The following SPAG16 variants were observed in gnomAD, a reference collection of about 807,000 sequenced individuals.
SPAG16 encodes sperm-associated antigen 16 protein.
A neutral mutation model predicts 80.4 loss-of-function variants in SPAG16; 86 were observed. The ratio of observed to expected loss-of-function variants is 1.07; its 90% CI spans 0.90 to 1.28. The LOEUF is 1.28. SPAG16 is among the 50% of genes most tolerant of loss of function. The pLI, the probability that SPAG16 is intolerant of heterozygous loss-of-function variation, is 0.00. For synonymous variants in SPAG16, 294 were observed against 265.9 expected, an observed-to-expected ratio of 1.11 and a Z score of -1.03; for missense variants, 870 against 765.3, an observed-to-expected ratio of 1.14 and a Z score of -1.61.
chr2:214,315,152 TA>T (rs1695588725), intron 15 of SPAG16, among the ~76,000 whole-genome samples: 1 of 152,016 alleles, frequency 6.6e-6, no homozygotes, highest in South Asian at 2.1e-4. Context: ...CAGGGAGCAT[TA>T]GGGGTGGAGC....
intron 10 of SPAG16, among the ~76,000 whole-genome samples, chr2:213,817,248 A>G (rs887071785): frequency 1.2e-4 from 17 of 140,090 alleles, no homozygotes; most frequent in African/African-American, 3.1e-4. Flanking sequence ...ATATATACTT[A>G]TATATATGAT....
chr2:213,400,632 G>A (rs1008797786), intron 9 of SPAG16, among the ~76,000 whole-genome samples: 2 of 152,106 alleles, frequency 1.3e-5, no homozygotes, highest in Admixed American at 1.3e-4. Context: ...TGGGCATATA[G>A]TTAGGTACCT....
At chr2:214,004,769 G>A (rs2046953496) in intron 12 of SPAG16, among the ~76,000 whole-genome samples, 1 of 152,032 alleles carries the variant, frequency 6.6e-6, no homozygotes, top group Non-Finnish European at 1.5e-5. Flanking sequence ...TCATAGGAGG[G>A]TGGGAGAATT....
At chr2:214,168,555 T>A (rs182937060) in intron 15 of SPAG16, among the ~76,000 whole-genome samples, 1 of 152,116 alleles carries the variant, frequency 6.6e-6, no homozygotes, top group Admixed American at 6.6e-5. Context: ...AAAGCCATGT[T>A]AAGTATACAC....
intron 15 of SPAG16, among the ~76,000 whole-genome samples, chr2:214,336,951 T>TAG (rs1418468551): frequency 1.9e-5 from 1 of 53,704 alleles, no homozygotes; most frequent in Non-Finnish European, 7.7e-5. Flanking sequence ...ATGAGGCTTC[T>TAG]AGACTACCTC....
intron 7 of SPAG16, among the ~76,000 whole-genome samples, chr2:213,355,878 C>T (rs1355712068): frequency 6.6e-6 from 1 of 152,130 alleles, no homozygotes; most frequent in African/African-American, 2.4e-5. Flanking sequence ...CCTGATTGCC[C>T]TGGCCAGAAC....
At chr2:214,024,276 A>C (rs2048028392) in intron 13 of SPAG16, among the ~76,000 whole-genome samples, 1 of 151,630 alleles carries the variant, frequency 6.6e-6, no homozygotes, top group Non-Finnish European at 1.5e-5. Flanking sequence ...ATCATCTCAA[A>C]AACTTTTCTC....
chr2:214,292,114 G>GT (rs1693846373), intron 15 of SPAG16, among the ~76,000 whole-genome samples: 1 of 152,084 alleles, frequency 6.6e-6, no homozygotes, highest in Non-Finnish European at 1.5e-5. Flanking sequence ...CTGAGCCCCA[G>GT]TGTTAGTCTG....
chr2:214,315,894 T>C (rs779810686), intron 15 of SPAG16, among the ~76,000 whole-genome samples: 96 of 152,160 alleles, frequency 6.3e-4, no homozygotes, highest in Non-Finnish European at 1.1e-3. Flanking sequence ...GGTGTTTCGA[T>C]TTAGTTTAAA....
intron 9 of SPAG16, among the ~76,000 whole-genome samples, chr2:213,380,511 C>T (rs2067116472): frequency 6.6e-6 from 1 of 152,192 alleles, no homozygotes; most frequent in Admixed American, 6.5e-5. Context: ...CCCGATCACA[C>T]ATACACCACT....
intron 10 of SPAG16, among the ~76,000 whole-genome samples, chr2:213,499,089 T>G (rs911807876): frequency 9.2e-5 from 14 of 152,084 alleles, no homozygotes; most frequent in African/African-American, 3.1e-4. Context: ...TCTAACCAAT[T>G]TTTTTTTCTA....
chr2:213,313,989 C>G (rs999932130), intron 4 of SPAG16, among the ~76,000 whole-genome samples: 2 of 151,812 alleles, frequency 1.3e-5, no homozygotes, highest in Non-Finnish European at 2.9e-5. Context: ...CTTTTACATC[C>G]TATGCCTTGG....
At chr2:213,796,118 C>A (rs933522964) in intron 10 of SPAG16, among the ~76,000 whole-genome samples, 20 of 152,120 alleles carry the variant, frequency 1.3e-4, no homozygotes, top group Non-Finnish European at 2.2e-4. Context: ...ATTTTTATTA[C>A]AGATCTTTCG....
intron 10 of SPAG16, among the ~76,000 whole-genome samples, chr2:213,780,388 A>G (rs948300126): frequency 6.6e-6 from 1 of 152,112 alleles, no homozygotes; most frequent in African/African-American, 2.4e-5. Flanking sequence ...TGTGAAATAT[A>G]TACACTTTCC....
chr2:213,925,973 T>C (rs909754808), intron 11 of SPAG16, among the ~76,000 whole-genome samples: 17 of 152,196 alleles, frequency 1.1e-4, no homozygotes, highest in African/African-American at 3.9e-4. Context: ...TTTCTTTTTA[T>C]TGACACCACT....
At chr2:214,047,997 T>C (rs1277156523) in intron 13 of SPAG16, among the ~76,000 whole-genome samples, 1 of 152,168 alleles carries the variant, frequency 6.6e-6, no homozygotes, top group Non-Finnish European at 1.5e-5. Flanking sequence ...AGATATCATG[T>C]CACCCCAGTT....
intron 10 of SPAG16, among the ~76,000 whole-genome samples, chr2:213,753,794 T>A (rs1170811347): frequency 6.6e-6 from 1 of 152,200 alleles, no homozygotes; most frequent in Admixed American, 6.5e-5. Flanking sequence ...GTAGATGGCA[T>A]GAATGACTTA....
At chr2:213,849,478 A>T (rs777157780) in intron 10 of SPAG16, among the ~76,000 whole-genome samples, 4 of 152,256 alleles carry the variant, frequency 2.6e-5, no homozygotes, top group Non-Finnish European at 4.4e-5. Context: ...AATGATAAAA[A>T]AATTAATATT....
intron 9 of SPAG16, among the ~76,000 whole-genome samples, chr2:213,450,213 A>C (rs1575617631): frequency 6.6e-6 from 1 of 152,208 alleles, no homozygotes; most frequent in South Asian, 2.1e-4. Flanking sequence ...CTGAGGCAGG[A>C]GAATTGCTTG....
Sources: gnomAD v4.1 joint callset for allele counts (sites outside exome capture counted in the v4.1 genomes callset) on GRCh38, gnomAD v4.1.1 for gene constraint, MANE v1.5 for transcripts, NCBI Gene and HGNC (gene_info 2026-07-23, HGNC 2026-07-21) for gene names.